CELF4: variants seen among roughly 807,000 people sequenced by gnomAD.
CELF4 encodes CUGBP Elav-like family member 4, also known as CUG-BP- and ETR-3-like factor 4.
CELF4 carries 18 observed loss-of-function variants against 59.9 expected under a neutral mutation model. That is an observed-to-expected ratio of 0.30 (90% CI 0.21 to 0.45). The LOEUF (loss-of-function observed/expected upper bound fraction) is 0.45, where lower values mean the gene tolerates loss of function less well. Among genes scored for constraint, CELF4 ranks in the 20% least tolerant of loss-of-function variants. CELF4 has a pLI of 1.00. For synonymous variants in CELF4, 261 were observed against 267.1 expected, an observed-to-expected ratio of 0.98 and a Z score of 0.22; for missense variants, 456 against 689.0, an observed-to-expected ratio of 0.66 and a Z score of 3.79.
intron 2 of CELF4, among the ~76,000 whole-genome samples, chr18:37,381,501 G>A (rs949229321): frequency 6.6e-6 from 1 of 152,040 alleles, no homozygotes; most frequent in Non-Finnish European, 1.5e-5. Flanking sequence ...AGCCTTGCAG[G>A]CACCCTAGGG....
At chr18:37,451,528 C>T (rs2099764011) in intron 2 of CELF4, among the ~76,000 whole-genome samples, 1 of 152,100 alleles carries the variant, frequency 6.6e-6, no homozygotes, top group Non-Finnish European at 1.5e-5. Flanking sequence ...TGTGCACATG[C>T]ACATGTGTGT....
intron 2 of CELF4, among the ~76,000 whole-genome samples, chr18:37,442,863 TC>T (rs1331372764): frequency 2.0e-5 from 3 of 152,206 alleles, no homozygotes; most frequent in African/African-American, 7.2e-5. Context: ...CCCCTCTCCG[TC>T]CTGTTAAGCT....
At chr18:37,395,954 C>T (rs1000220324) in intron 2 of CELF4, among the ~76,000 whole-genome samples, 10 of 152,200 alleles carry the variant, frequency 6.6e-5, no homozygotes, top group Admixed American at 2.6e-4. Flanking sequence ...TCTTCTTGCT[C>T]GGCTCCCTTC....
intron 2 of CELF4, among the ~76,000 whole-genome samples, chr18:37,476,693 A>G (rs1489611109): frequency 6.6e-6 from 1 of 152,242 alleles, no homozygotes; most frequent in Non-Finnish European, 1.5e-5. Context: ...AAACCCTCCA[A>G]TCCTAAAACA....
intron 1 of CELF4, among the ~76,000 whole-genome samples, chr18:37,501,924 G>A (rs978288908): frequency 6.6e-6 from 1 of 152,074 alleles, no homozygotes; most frequent in Non-Finnish European, 1.5e-5. Context: ...TCTCACCAAG[G>A]TTCTCTTCTG....
intron 3 of CELF4, among the ~76,000 whole-genome samples, chr18:37,313,658 G>A (rs539363736): frequency 6.6e-6 from 1 of 152,332 alleles, no homozygotes; most frequent in South Asian, 2.1e-4. Context: ...ACAGCTGGTG[G>A]GGCCCTTGAA....
At chr18:37,476,972 T>C (rs1437207708) in intron 2 of CELF4, among the ~76,000 whole-genome samples, 5 of 152,230 alleles carry the variant, frequency 3.3e-5, no homozygotes, top group Non-Finnish European at 5.9e-5. Context: ...CTTTCTCCTC[T>C]TTCCAAATGC....
In CELF4 at chr18:37,266,576, G is replaced by T. The variant is rs1486061091; in HGVS notation, c.1122C>A (p.Asp374Glu). Reference sequence around the variant, plus strand: ...CTCCGGCGTAGGCCTGCTGCAGGGGGTCCGCGGCGGTGGGGCTCTGTGCTG... The same window carrying T: ...CTCCGGCGTAGGCCTGCTGCAGGGGTTCCGCGGCGGTGGGGCTCTGTGCTG... Reference protein sequence around the residue: ...PYPAQSPTAADPLQQAYAGVQ... With the variant: ...PYPAQSPTAAEPLQQAYAGVQ... Residue 374 changes from aspartate (D) to glutamate (E), a missense_variant, in exon 9 of 13, where the codon GAC becomes GAA. Asp to Glu is a conservative substitution (Grantham distance 45, BLOSUM62 2). Coordinates refer to ENST00000420428, the MANE Select transcript of CELF4 (RefSeq NM_020180.4). 6.3e-7 allele frequency: 1 copy of T among 1,595,368 alleles called. No homozygotes were observed. Among genetic ancestry groups the T allele is most frequent in the Non-Finnish European group, 8.5e-7 (1 of 1,172,424 alleles).
intron 2 of CELF4, among the ~76,000 whole-genome samples, chr18:37,463,816 C>G (rs1299473112): frequency 6.6e-6 from 1 of 152,086 alleles, no homozygotes; most frequent in Non-Finnish European, 1.5e-5. Flanking sequence ...GGTTTTTTTT[C>G]TTACCTTTGT....
At chr18:37,561,874 G>A (rs2099986643) in intron 1 of CELF4, among the ~76,000 whole-genome samples, 2 of 152,116 alleles carry the variant, frequency 1.3e-5, no homozygotes, top group South Asian at 2.1e-4. Flanking sequence ...TCTCTTTGGA[G>A]CCTGGAAAAA....
chr18:37,379,138 G>T (rs186000780), intron 2 of CELF4, among the ~76,000 whole-genome samples: 1 of 152,296 alleles, frequency 6.6e-6, no homozygotes, highest in East Asian at 1.9e-4. Flanking sequence ...TTGTTCACCT[G>T]CCTCCCCCGG....
At chr18:37,325,270 G>A (rs1414509321) in intron 2 of CELF4, among the ~76,000 whole-genome samples, 1 of 152,146 alleles carries the variant, frequency 6.6e-6, no homozygotes, top group African/African-American at 2.4e-5. Context: ...GGAAGGCTGG[G>A]ACCACTGGAG....
intron 2 of CELF4, among the ~76,000 whole-genome samples, chr18:37,482,964 T>C (rs1225640498): frequency 1.3e-5 from 2 of 152,206 alleles, no homozygotes; most frequent in African/African-American, 4.8e-5. Flanking sequence ...CAGGTTCTTT[T>C]TTTTCAATTT....
intron 1 of CELF4, among the ~76,000 whole-genome samples, chr18:37,543,347 T>TCC (rs1567971340): frequency 6.6e-6 from 1 of 151,910 alleles, no homozygotes; most frequent in African/African-American, 2.4e-5. Flanking sequence ...CTGACCTACC[T>TCC]CCCCCAAGCT....
chr18:37,245,832 T>C lies in CELF4; in HGVS notation c.*45-635A>G, dbSNP rs1408045188. ...ATACATGGATATGTGTGTATGTATA[T>C]GCATATATACACACATACACACACA... is the stretch of plus-strand genomic sequence containing the variant. On this transcript the variant is annotated intron_variant, in intron 12 of 12. Transcript: ENST00000420428. This position sits in a 1 kb window ranked among gnomAD's most constrained non-coding sequence, Gnocchi z 4.1. Among the ~76,000 whole-genome samples the C allele has an allele frequency of 6.6e-6, 1 of 152,216 alleles. No homozygotes were observed. The highest frequency in any genetic ancestry group is 2.4e-5 in the African/African-American group (1 of 41,454).
chr18:37,274,242 A>G, intron 6 of CELF4, 69 bp downstream of exon 6: 1 of 1,587,042 alleles, frequency 6.3e-7, no homozygotes, highest in African/African-American at 1.4e-5. Flanking sequence ...TTTCGGTTTC[A>G]TGTCCCGCTC....
At chr18:37,437,378 G>A (rs529608101) in intron 2 of CELF4, among the ~76,000 whole-genome samples, 5 of 152,288 alleles carry the variant, frequency 3.3e-5, no homozygotes, top group South Asian at 4.2e-4. Flanking sequence ...TCTGAGAGCC[G>A]GGAAGCCTTT....
chr18:37,512,042 C>G (rs1163733767), intron 1 of CELF4, among the ~76,000 whole-genome samples: 4 of 152,204 alleles, frequency 2.6e-5, no homozygotes, highest in African/African-American at 9.6e-5. Flanking sequence ...ACACAACTCA[C>G]AGAGTAATTG....
intron 2 of CELF4, among the ~76,000 whole-genome samples, chr18:37,343,591 T>TTGCGTGTGTATATGTGGGGG (rs1169736470): frequency 4.0e-5 from 6 of 151,458 alleles, no homozygotes; most frequent in Non-Finnish European, 8.8e-5. Context: ...ATATGTGGGG[T>TTGCGTGTGTATATGTGGGGG]TGCGTGTGTA....
Sources: gnomAD v4.1 joint callset for allele counts (sites outside exome capture counted in the v4.1 genomes callset) on GRCh38, gnomAD v4.1.1 for gene constraint, Gnocchi (gnomAD v3.1) non-coding constraint, MANE v1.5 for transcripts, NCBI Gene and HGNC (gene_info 2026-07-23, HGNC 2026-07-21) for gene names.